The following ABL1 variants were observed in gnomAD, a reference collection of about 807,000 sequenced individuals.
ABL1 encodes ABL proto-oncogene 1, non-receptor tyrosine kinase, also known as tyrosine-protein kinase ABL1.
In ABL1, 11 loss-of-function variants were observed where a neutral mutation model predicts 94.7. That is an observed-to-expected ratio of 0.12 (90% CI 0.07 to 0.19). The LOEUF is 0.19. Ranked by LOEUF, ABL1 falls within the 10% of genes least tolerant of loss-of-function variation. The pLI, the probability that ABL1 is intolerant of heterozygous loss-of-function variation, is 1.00. For synonymous variants in ABL1, 656 were observed against 622.4 expected, an observed-to-expected ratio of 1.05 and a Z score of -0.80; for missense variants, 1,082 against 1,489.4, an observed-to-expected ratio of 0.73 and a Z score of 4.50.
chr9:130,740,781 G>A (rs961488781), intron 1 of ABL1, among the ~76,000 whole-genome samples: 5 of 148,958 alleles, frequency 3.4e-5, no homozygotes, highest in Non-Finnish European at 7.4e-5. Context: ...TCGGTCTCTT[G>A]AGTAGATAGG....
chr9:130,872,027 C>A lies in ABL1; in HGVS notation c.823-102C>A. 2.0e-6 allele frequency: 2 copies of A among 992,414 alleles called. No homozygotes were observed. The highest frequency in any genetic ancestry group is 2.6e-5 in the East Asian group (1 of 38,872). 61.5% of individuals were successfully genotyped at this position (992,414 alleles called of 1,614,324 possible). The stretch of plus-strand genomic sequence containing the variant: ...GGCTGTCACAAAACGCAGCCCAGGA[C>A]GAGTATGCGCTGAAGCTCCATTTTG... On this transcript the variant is annotated intron_variant, in intron 4 of 10. Coordinates refer to ENST00000318560, the MANE Select transcript of ABL1 (RefSeq NM_005157.6). The surrounding 1 kb of genome is among the most constrained non-coding windows in gnomAD (Gnocchi z 5.0).
chr9:130,839,288 T>C (rs1564306522), intron 1 of ABL1, among the ~76,000 whole-genome samples: 1 of 152,160 alleles, frequency 6.6e-6, no homozygotes, highest in Admixed American at 6.5e-5. Flanking sequence ...CAGCTAACTT[T>C]CCAGCGGATG....
At chr9:130,878,319 C>A in intron 7 of ABL1, 96 bp from the exon 8 acceptor site, 1 of 1,418,654 alleles carries the variant, frequency 7.0e-7, no homozygotes, top group Non-Finnish European at 9.8e-7. Flanking sequence ...TGGGGCCATC[C>A]CTTCTGAGGT....
At chr9:130,720,355 T>A (rs575206983) in intron 1 of ABL1, among the ~76,000 whole-genome samples, 3 of 152,146 alleles carry the variant, frequency 2.0e-5, no homozygotes, top group Non-Finnish European at 4.4e-5. Flanking sequence ...GGGCGGCATT[T>A]GATTAAAGAC....
intron 1 of ABL1, among the ~76,000 whole-genome samples, chr9:130,785,209 C>T (rs1463964491): frequency 6.6e-6 from 1 of 152,198 alleles, no homozygotes; most frequent in African/African-American, 2.4e-5. Context: ...TCCCAGTGTG[C>T]TGATTTTCAC....
intron 1 of ABL1, among the ~76,000 whole-genome samples, chr9:130,822,477 T>G (rs1407824274): frequency 6.8e-6 from 1 of 147,350 alleles, no homozygotes; most frequent in Non-Finnish European, 1.5e-5. Context: ...AGACAGGGTC[T>G]TGCTGTGTTG....
chr9:130,771,750 TTC>T (rs1832254231), intron 1 of ABL1, among the ~76,000 whole-genome samples: 1 of 89,866 alleles, frequency 1.1e-5, no homozygotes. Context: ...CTTTCTTTCT[TTC>T]TTTTTTTTTT....
At position 130,774,209 on chromosome 9, in the gene ABL1, A is replaced by G. The variant is rs948957226; in HGVS notation, c.136+59754A>G. On this transcript the variant is annotated intron_variant, in intron 1 of 10. Coordinates refer to the ABL1 transcript ENST00000372348. ...TTGTTTCCCTTTTTGGGCTAATACAAATAAAGCTGCTAGAACACATATGAA... is the reference window on the plus strand; with the variant it reads ...TTGTTTCCCTTTTTGGGCTAATACAGATAAAGCTGCTAGAACACATATGAA... Among the ~76,000 whole-genome samples, 3 of 152,190 alleles carry G rather than the reference A, an allele frequency of 2.0e-5. No homozygotes were observed. The East Asian group carries it at 5.8e-4, about 29-fold the overall frequency.
At chr9:130,730,265 C>T (rs543216651) in intron 1 of ABL1, among the ~76,000 whole-genome samples, 4 of 151,756 alleles carry the variant, frequency 2.6e-5, no homozygotes, top group South Asian at 2.1e-4. Context: ...TGGTCTCGAA[C>T]GCCCAACCTC....
intron 1 of ABL1, among the ~76,000 whole-genome samples, chr9:130,735,714 C>T (rs1033434435): frequency 1.3e-5 from 2 of 151,358 alleles, no homozygotes. Flanking sequence ...CCTTTCTGGA[C>T]TTTTGGAGTG....
chr9:130,872,807 T>C lies in ABL1; in HGVS notation c.908-53T>C. On this transcript the variant is annotated intron_variant, in intron 5 of 10. Coordinates refer to ENST00000318560, the MANE Select transcript of ABL1 (RefSeq NM_005157.6). This position sits in a 1 kb window ranked among gnomAD's most constrained non-coding sequence, Gnocchi z 5.0. ...AAGGCTTTTTCTTTAGACAGTTGTT[T>C]GTTCAGTTGGGAGCGGAGCCACGTG... is the stretch of plus-strand genomic sequence containing the variant. The C allele has an allele frequency of 6.5e-7, 1 of 1,542,412 alleles. No individual in the cohort carries two copies. Among genetic ancestry groups the C allele is most frequent in the South Asian group, 1.2e-5 (1 of 82,678 alleles).
chr9:130,809,366 A>G (rs1830172105), intron 1 of ABL1, among the ~76,000 whole-genome samples: 1 of 147,654 alleles, frequency 6.8e-6, no homozygotes, highest in African/African-American at 2.5e-5. Context: ...GAAGAGTTGT[A>G]TTAGTGAAGG....
chr9:130,876,386 T>C (rs1831342160), intron 7 of ABL1, among the ~76,000 whole-genome samples: 1 of 150,976 alleles, frequency 6.6e-6, no homozygotes, highest in Non-Finnish European at 1.5e-5. Context: ...TATTTACCAG[T>C]TTTTAAAATA....
chr9:130,840,870 G>A (rs551317748), intron 1 of ABL1, among the ~76,000 whole-genome samples: 5 of 152,110 alleles, frequency 3.3e-5, no homozygotes, highest in Non-Finnish European at 7.4e-5. Flanking sequence ...TACTTATGAT[G>A]TGGCTTTAAC....
At position 130,814,127 on chromosome 9, in the gene ABL1, A is replaced by G. The variant is rs1830249788; in HGVS notation, c.137-39937A>G. Reference sequence around the variant, plus strand: ...TGGTGAAACCCCGTCTCTACTAACCATACAAAAATTAGCTGGGCGTGGTGG... The same window carrying G: ...TGGTGAAACCCCGTCTCTACTAACCGTACAAAAATTAGCTGGGCGTGGTGG... On this transcript the variant is annotated intron_variant, in intron 1 of 10. Transcript: ENST00000372348. The surrounding 1 kb of genome is among the most constrained non-coding windows in gnomAD (Gnocchi z 4.4). Among the ~76,000 whole-genome samples the G allele has an allele frequency of 6.6e-6, 1 of 152,086 alleles. No individual in the cohort carries two copies. The highest frequency in any genetic ancestry group is 1.5e-5 in the Non-Finnish European group (1 of 68,010).
Position 130,880,707 on chromosome 9 carries a change from C to G in ABL1, c.1678+43C>G, listed in dbSNP as rs781141405. 1.2e-6 allele frequency: 2 copies of G among 1,600,934 alleles called. No individual in the cohort carries two copies. The highest frequency in any genetic ancestry group is 3.4e-5 in the Admixed American group (2 of 58,712). On this transcript the variant is annotated intron_variant, in intron 10 of 10. Coordinates refer to ENST00000318560, the MANE Select transcript of ABL1 (RefSeq NM_005157.6). This position sits in a 1 kb window ranked among gnomAD's most constrained non-coding sequence, Gnocchi z 4.4. Reference sequence around the variant, plus strand: ...CCCAACCCCACTGCTCTTCCCTTCCCTGCCAGAGGCTACATTCAGGCCATC... The same window carrying G: ...CCCAACCCCACTGCTCTTCCCTTCCGTGCCAGAGGCTACATTCAGGCCATC...
chr9:130,882,972 C>T (rs774471973), intron 10 of ABL1, among the ~76,000 whole-genome samples: 1 of 151,826 alleles, frequency 6.6e-6, no homozygotes, highest in Non-Finnish European at 1.5e-5. Flanking sequence ...GTCAGGCTCC[C>T]GTGGCACAAG....
chr9:130,753,422 C>CTTTTTTTTTTTTTTTT (rs71389347), intron 1 of ABL1, among the ~76,000 whole-genome samples: 30 of 90,338 alleles, frequency 3.3e-4, no homozygotes, highest in South Asian at 4.5e-4. Context: ...TTTTTCTTTT[C>CTTTTTTTTTTTTTTTT]TTTTTTTTTT....
chr9:130,801,568 T>C (rs1830055206), intron 1 of ABL1, among the ~76,000 whole-genome samples: 1 of 152,248 alleles, frequency 6.6e-6, no homozygotes, highest in African/African-American at 2.4e-5. Context: ...TGAAGATGTC[T>C]TCCCTTTGCC....
Sources: gnomAD v4.1 joint callset for allele counts (sites outside exome capture counted in the v4.1 genomes callset) on GRCh38, gnomAD v4.1.1 for gene constraint, Gnocchi (gnomAD v3.1) non-coding constraint, MANE v1.5 for transcripts, NCBI Gene and HGNC (gene_info 2026-07-23, HGNC 2026-07-21) for gene names.